SPATS1: variants seen among roughly 807,000 people sequenced by gnomAD.
SPATS1 encodes spermatogenesis-associated serine-rich protein 1.
SPATS1 carries 23 observed loss-of-function variants against 33.6 expected under a neutral mutation model. The observed-to-expected ratio is 0.68, with a 90% CI of 0.49 to 0.97. The LOEUF is 0.97. Ranked by LOEUF, SPATS1 falls within the 50% of genes least tolerant of loss-of-function variation. SPATS1 has a pLI of 0.00. For synonymous variants in SPATS1, 131 were observed against 125.6 expected, an observed-to-expected ratio of 1.04 and a Z score of -0.29; for missense variants, 327 against 361.0, an observed-to-expected ratio of 0.91 and a Z score of 0.76.
chr6:44,353,945 G>A (rs1384447861), intron 3 of SPATS1, among the ~76,000 whole-genome samples: 2 of 150,994 alleles, frequency 1.3e-5, no homozygotes, highest in Non-Finnish European at 2.9e-5. Context: ...GCTGAGGCAG[G>A]AGAATGGCGT....
intron 5 of SPATS1, among the ~76,000 whole-genome samples, chr6:44,364,325 A>G (rs1789110277): frequency 6.6e-6 from 1 of 152,244 alleles, no homozygotes; most frequent in Admixed American, 6.5e-5. Context: ...GTTTGTTTGG[A>G]TCAGGATCCA....
rs1258297560 is a variant in SPATS1, at chr6:44,360,570, A to T, written c.412A>T (p.Lys138Ter). The T allele has an allele frequency of 5.6e-6, 9 of 1,614,098 alleles. No homozygotes were observed. The highest frequency in any genetic ancestry group is 1.1e-5 in the South Asian group (1 of 91,068). Residue 138 changes from lysine (K) to a stop codon, truncating the protein, a stop_gained and splice_region_variant, in exon 4 of 9, where the codon AAA becomes TAA. Coordinates refer to ENST00000674044, the MANE Select transcript of SPATS1 (RefSeq NM_001372081.1). LOFTEE classifies it high-confidence loss of function. The part of the protein sequence containing the change: ...EEFSLLKLQT[K>*]DGHRPEWTFY... ...ATTCAGCCTGCTTAAGTTGCAGACGAGTAAGTCACAGACCCTCCTCCACAT... is the reference window on the plus strand; with the variant it reads ...ATTCAGCCTGCTTAAGTTGCAGACGTGTAAGTCACAGACCCTCCTCCACAT...
At chr6:44,349,277 C>T (rs1372312424) in intron 2 of SPATS1, among the ~76,000 whole-genome samples, 6 of 115,026 alleles carry the variant, frequency 5.2e-5, no homozygotes, top group South Asian at 2.7e-4. Context: ...CCAGCCTGGG[C>T]GACTCTGGCT....
At chr6:44,352,357 G>A (rs1450972957) in intron 2 of SPATS1, among the ~76,000 whole-genome samples, 2 of 152,058 alleles carry the variant, frequency 1.3e-5, no homozygotes, top group Non-Finnish European at 2.9e-5. Context: ...TCGAACTCCT[G>A]ACCTCAAGTC....
intron 3 of SPATS1, among the ~76,000 whole-genome samples, chr6:44,355,004 A>G (rs1171600007): frequency 6.6e-6 from 1 of 151,910 alleles, no homozygotes; most frequent in Non-Finnish European, 1.5e-5. Context: ...TTTTTTTTGT[A>G]GAGACAGGAT....
At chr6:44,357,612 C>T (rs1340690100) in intron 3 of SPATS1, among the ~76,000 whole-genome samples, 1 of 152,126 alleles carries the variant, frequency 6.6e-6, no homozygotes, top group African/African-American at 2.4e-5. Context: ...GAACTCCTGA[C>T]CTCAGGTGAT....
At chr6:44,363,453 A>G (rs1789046639) in intron 5 of SPATS1, among the ~76,000 whole-genome samples, 1 of 152,090 alleles carries the variant, frequency 6.6e-6, no homozygotes, top group South Asian at 2.1e-4. Flanking sequence ...CCTACCCTGC[A>G]CTCTTGAGCT....
chr6:44,368,301 T>C lies in SPATS1; in HGVS notation c.575-78T>C. ...AAATACTAAAATATCCTCTTTCCAT[T>C]GTCATGCCAATACTTACAGCAAATC... is the stretch of plus-strand genomic sequence containing the variant. On this transcript the variant is annotated intron_variant, in intron 5 of 8. Coordinates refer to ENST00000674044, the MANE Select transcript of SPATS1 (RefSeq NM_001372081.1). 5 of 1,405,160 alleles carry C rather than the reference T, an allele frequency of 3.6e-6. No homozygotes were observed. In the South Asian group the frequency reaches 6.9e-5, roughly 19 times the overall value. The allele number at this position is 1,405,160 out of a possible 1,614,324, so 87.0% of individuals were successfully genotyped here.
intron 2 of SPATS1, 41 bp downstream of exon 2, chr6:44,343,275 C>T: frequency 6.2e-7 from 1 of 1,609,144 alleles, no homozygotes; most frequent in African/African-American, 1.3e-5. Flanking sequence ...TTGGTGGCCA[C>T]ATCCAAGTAT....
chr6:44,354,635 C>T (rs1354271536), intron 3 of SPATS1, among the ~76,000 whole-genome samples: 1 of 152,044 alleles, frequency 6.6e-6, no homozygotes, highest in Non-Finnish European at 1.5e-5. Context: ...ACATGTACAG[C>T]CTCCCCCACT....
chr6:44,373,215 A>G (rs1267479905), intron 7 of SPATS1, among the ~76,000 whole-genome samples: 2 of 152,150 alleles, frequency 1.3e-5, no homozygotes, highest in South Asian at 2.1e-4. Context: ...CCTCAAACTC[A>G]TAGAGAATGC....
At position 44,361,895 on chromosome 6, in the gene SPATS1, C is replaced by T. The variant is rs776186640; in HGVS notation, c.477C>T (p.His159=). The T allele has an allele frequency of 4.2e-5, 68 of 1,614,108 alleles. 1 individual carries two copies. In the Middle Eastern group the frequency reaches 1.6e-3, roughly 39 times the overall value. Residue 159 remains histidine, a synonymous_variant, in exon 5 of 9, where the codon CAC becomes CAT. Transcript: ENST00000674044. ...PRFSSNIHTY[H]VGKQCFFNGV... ...TTAGCAGCAACATCCACACCTACCACGTCGGAAAGCAGTGCTTCTTTAATG... is the reference window on the plus strand; with the variant it reads ...TTAGCAGCAACATCCACACCTACCATGTCGGAAAGCAGTGCTTCTTTAATG...
chr6:44,371,587 CTGT>C (rs933272272), intron 7 of SPATS1, among the ~76,000 whole-genome samples: 31 of 152,134 alleles, frequency 2.0e-4, no homozygotes, highest in Non-Finnish European at 7.4e-5. Flanking sequence ...TTTTTTATAT[CTGT>C]TGTTCTTTCC....
At chr6:44,359,969 C>T (rs1232342108) in intron 3 of SPATS1, among the ~76,000 whole-genome samples, 1 of 152,186 alleles carries the variant, frequency 6.6e-6, no homozygotes, top group Non-Finnish European at 1.5e-5. Flanking sequence ...GGGTCGTTTC[C>T]ACTTTTTGGC....
chr6:44,361,437 T>C, intron 4 of SPATS1: 3 of 985,428 alleles, frequency 3.0e-6, no homozygotes, highest in Non-Finnish European at 3.6e-6. Flanking sequence ...TGGATGGCAC[T>C]GGCCTAGCCA....
intron 3 of SPATS1, among the ~76,000 whole-genome samples, chr6:44,359,622 G>C (rs1261645256): frequency 1.3e-5 from 2 of 152,008 alleles, no homozygotes; most frequent in African/African-American, 4.8e-5. Context: ...TGTTGCCCAG[G>C]CTGGAGTGCA....
At position 44,352,811 on chromosome 6, in the gene SPATS1, T is replaced by A. The variant is rs4714783; in HGVS notation, c.225T>A (p.Ser75=). ...GCAAAAGTGTCAGTTCCTCATCTTC[T>A]GTGGAAACAGGCCCAAGTGTCAGTG... ...PSGKSVSSSS[S]VETGPSVSEP... The change falls in exon 3 of 9, where the codon TCT becomes TCA. Residue 75 remains serine, a synonymous_variant. Transcript: ENST00000674044. The A allele has an allele frequency of 0.76, 1,224,343 of 1,613,730 alleles. 466,068 individuals are homozygous for A. The highest frequency in any genetic ancestry group is 0.77 in the Admixed American group (46,302 of 60,010).
intron 2 of SPATS1, among the ~76,000 whole-genome samples, chr6:44,344,311 G>A (rs1787740719): frequency 6.6e-6 from 1 of 151,906 alleles, no homozygotes; most frequent in Non-Finnish European, 1.5e-5. Flanking sequence ...GTCTATTCAG[G>A]AGAATACATC....
chr6:44,370,053 T>C lies in SPATS1; in HGVS notation c.698T>C (p.Val233Ala). The C allele has an allele frequency of 6.2e-7, 1 of 1,611,046 alleles. No individual in the cohort carries two copies. ...SMLPPVNFSI[V>A]PYEKKFDTFI... ...TGATTGCCTTTTCTGTTTTTCAGAG[T>C]GCCTTATGAAAAGAAATTTGATACA... The change falls in exon 7 of 9, where the codon GTG (valine) becomes GCG (alanine). Residue 233 changes from valine to alanine, a missense_variant and splice_region_variant. By Grantham distance (64) the Val-to-Ala change is moderately conservative. Transcript: ENST00000674044.
Sources: allele counts gnomAD v4.1 joint callset (sites outside exome capture counted in the v4.1 genomes callset), GRCh38; gene constraint gnomAD v4.1.1; transcripts MANE v1.5; gene names NCBI Gene and HGNC (gene_info 2026-07-23, HGNC 2026-07-21).